ATP8A2: variants seen among roughly 807,000 people sequenced by gnomAD.
ATP8A2 encodes the protein phospholipid-transporting ATPase IB.
Under a neutral mutation model 165.6 loss-of-function variants are expected in ATP8A2, and 100 were observed. The observed-to-expected ratio is 0.60, with a 90% CI of 0.51 to 0.71. ATP8A2 has a LOEUF of 0.71. Among genes scored for constraint, ATP8A2 ranks in the 30% least tolerant of loss-of-function variants. The pLI is 0.00. For synonymous variants in ATP8A2, 543 were observed against 548.8 expected (o/e 0.99, Z 0.15); for missense variants, 1,227 against 1,479.5 (o/e 0.83, Z 2.80).
chr13:25,692,831 G>A (rs1255662326), intron 24 of ATP8A2, among the ~76,000 whole-genome samples: 2 of 152,240 alleles, frequency 1.3e-5, no homozygotes, highest in East Asian at 3.8e-4. Context: ...GGGGAAAAAG[G>A]TAGGGGACAG....
intron 9 of ATP8A2, among the ~76,000 whole-genome samples, chr13:25,542,809 T>G (rs764947552): frequency 2.6e-5 from 4 of 152,148 alleles, no homozygotes; most frequent in Non-Finnish European, 5.9e-5. Flanking sequence ...AAATTGTCAC[T>G]CAGGTCTTTA....
intron 1 of ATP8A2, among the ~76,000 whole-genome samples, chr13:25,444,178 A>G (rs549914772): frequency 3.3e-4 from 51 of 152,268 alleles, no homozygotes; most frequent in African/African-American, 9.1e-4. Flanking sequence ...ATATAAATGG[A>G]ATTGTACAGT....
At chr13:25,842,586 C>T (rs901967734) in intron 30 of ATP8A2, among the ~76,000 whole-genome samples, 2 of 151,754 alleles carry the variant, frequency 1.3e-5, no homozygotes, top group African/African-American at 4.8e-5. Context: ...GCAGCAGAAT[C>T]GCTTGAACCC....
intron 1 of ATP8A2, among the ~76,000 whole-genome samples, chr13:25,379,534 T>G (rs2137918382): frequency 6.6e-6 from 1 of 152,348 alleles, no homozygotes; most frequent in Non-Finnish European, 1.5e-5. Flanking sequence ...TCAGGCCTCT[T>G]ATCAGCTATT....
chr13:25,690,718 GCT>G (rs758166911), intron 24 of ATP8A2, among the ~76,000 whole-genome samples: 2 of 152,144 alleles, frequency 1.3e-5, no homozygotes, highest in African/African-American at 2.4e-5. Context: ...TCACCTGTGA[GCT>G]CACCTGGGAA....
intron 26 of ATP8A2, among the ~76,000 whole-genome samples, chr13:25,770,273 C>A (rs2138296437): frequency 6.6e-6 from 1 of 152,196 alleles, no homozygotes; most frequent in Non-Finnish European, 1.5e-5. Flanking sequence ...AGATTCTGAC[C>A]TTCTTAAACT....
rs1384085061 is a variant in ATP8A2, at chr13:25,714,485, T to C, written c.2384+15140T>C. Among the ~76,000 whole-genome samples the C allele has an allele frequency of 2.6e-5, 4 of 152,320 alleles. No homozygotes were observed. The East Asian group carries it at 7.7e-4, about 29-fold the overall frequency. ...CACTACCTGACATACTATTATACTTTTGCCTAATTATTGATAATCTGTCTC... is the reference window on the plus strand; with the variant it reads ...CACTACCTGACATACTATTATACTTCTGCCTAATTATTGATAATCTGTCTC... On this transcript the variant is annotated intron_variant, in intron 25 of 36. Coordinates refer to ENST00000381655, the MANE Select transcript of ATP8A2 (RefSeq NM_016529.6).
At chr13:25,626,628 A>T (rs180962953) in intron 24 of ATP8A2, among the ~76,000 whole-genome samples, 5 of 152,314 alleles carry the variant, frequency 3.3e-5, no homozygotes, top group Admixed American at 6.5e-5. Context: ...TAGCATAAGT[A>T]CATTGAAAGA....
chr13:25,699,127 A>G (rs959294336), intron 24 of ATP8A2, 46 bp from the exon 25 acceptor site: 14 of 1,420,934 alleles, frequency 9.9e-6, no homozygotes, highest in African/African-American at 1.4e-5. Context: ...TGTTTTTGAT[A>G]TTAAACACAC....
At chr13:25,718,958 G>T (rs375297254) in intron 25 of ATP8A2, among the ~76,000 whole-genome samples, 2 of 152,158 alleles carry the variant, frequency 1.3e-5, no homozygotes, top group South Asian at 2.1e-4. Flanking sequence ...ACGCGTGCAT[G>T]TGGGGACACC....
At chr13:25,842,288 G>A (rs1313520769) in intron 30 of ATP8A2, among the ~76,000 whole-genome samples, 2 of 152,202 alleles carry the variant, frequency 1.3e-5, no homozygotes, top group African/African-American at 2.4e-5. Flanking sequence ...CAGGACAGGT[G>A]TGGAAAACTG....
intron 33 of ATP8A2, among the ~76,000 whole-genome samples, chr13:25,910,353 C>T (rs762021852): frequency 2.0e-5 from 3 of 152,150 alleles, no homozygotes; most frequent in South Asian, 2.1e-4. Flanking sequence ...ACCATCTTCA[C>T]GCAGTAGCGA....
intron 28 of ATP8A2, among the ~76,000 whole-genome samples, chr13:25,829,983 A>T (rs7981163): frequency 0.99 from 149,109 of 150,250 alleles, 73,998 homozygotes; most frequent in Middle Eastern, 1. Context: ...TAACAAAGAG[A>T]ATCTCAGACA....
At chr13:25,639,963 T>C (rs2041473280) in intron 24 of ATP8A2, among the ~76,000 whole-genome samples, 1 of 152,172 alleles carries the variant, frequency 6.6e-6, no homozygotes, top group Non-Finnish European at 1.5e-5. Context: ...TCAAAACTGC[T>C]AAACTACATG....
chr13:25,836,772 A>C (rs1951623000), intron 28 of ATP8A2, among the ~76,000 whole-genome samples: 1 of 152,206 alleles, frequency 6.6e-6, no homozygotes, highest in Non-Finnish European at 1.5e-5. Context: ...TGCTTCCTGA[A>C]ATTTGAGTAT....
At chr13:25,897,266 GTA>G (rs1953584827) in intron 33 of ATP8A2, among the ~76,000 whole-genome samples, 1 of 152,196 alleles carries the variant, frequency 6.6e-6, no homozygotes, top group South Asian at 2.1e-4. Context: ...TGTCTGTAAA[GTA>G]TTTTATTTCT....
intron 33 of ATP8A2, among the ~76,000 whole-genome samples, chr13:25,894,756 T>C (rs1953481453): frequency 6.6e-6 from 1 of 152,210 alleles, no homozygotes; most frequent in Admixed American, 6.5e-5. Flanking sequence ...TCACATCCCT[T>C]GTAAGTTGGA....
At chr13:25,959,810 A>T (rs1955615617) in intron 33 of ATP8A2, among the ~76,000 whole-genome samples, 1 of 152,226 alleles carries the variant, frequency 6.6e-6, no homozygotes, top group Admixed American at 6.5e-5. Context: ...TCTTTGATAG[A>T]CTAGCACTCT....
At chr13:25,420,318 C>T (rs1280859987) in intron 1 of ATP8A2, among the ~76,000 whole-genome samples, 3 of 152,140 alleles carry the variant, frequency 2.0e-5, no homozygotes, top group South Asian at 2.1e-4. Flanking sequence ...GGTGGCACAG[C>T]GGGGCTCCGT....
Sources: gnomAD v4.1 joint callset for allele counts (sites outside exome capture counted in the v4.1 genomes callset) on GRCh38, gnomAD v4.1.1 for gene constraint, MANE v1.5 for transcripts, NCBI Gene and HGNC (gene_info 2026-07-23, HGNC 2026-07-21) for gene names.